Variants in DNAJA4 observed in about 807,000 individuals in gnomAD.
The protein encoded by DNAJA4 is dnaJ homolog subfamily A member 4.
A neutral mutation model predicts 39.7 loss-of-function variants in DNAJA4; 32 were observed. The observed-to-expected ratio is 0.81, with a 90% CI of 0.61 to 1.08. DNAJA4 has a LOEUF of 1.08. DNAJA4 is among the 50% of genes least tolerant of loss of function. DNAJA4 has a pLI of 0.00. For synonymous variants in DNAJA4, 184 were observed against 182.4 expected (o/e 1.01, Z -0.07); for missense variants, 439 against 505.1 (o/e 0.87, Z 1.25).
chr15:78,265,840 T>A, intron 1 of DNAJA4: 1 of 608,744 alleles, frequency 1.6e-6, no homozygotes, highest in Non-Finnish European at 2.9e-6. Flanking sequence ...GGGCCACGTT[T>A]GAAACCACAC....
chr15:78,270,416 C>A, intron 1 of DNAJA4, 81 bp from the exon 2 acceptor site: 2 of 1,454,894 alleles, frequency 1.4e-6, no homozygotes, highest in Non-Finnish European at 1.9e-6. Context: ...ACCTCTATTA[C>A]TTTGTATGTT....
Position 78,275,549 on chromosome 15 carries a change from C to G in DNAJA4, c.698C>G (p.Pro233Arg). Reference sequence around the variant, plus strand: ...TTTCATGGAGAAGGAGATCAGGAGCCTGAGCTGGAGCCTGGTGATGTCATA... The same window carrying G: ...TTTCATGGAGAAGGAGATCAGGAGCGTGAGCTGGAGCCTGGTGATGTCATA... ...ILFHGEGDQE[P>R]ELEPGDVIIV... is the part of the protein sequence containing the mutation. The change falls in exon 5 of 7, where the codon CCT becomes CGT. Residue 233 changes from proline (P) to arginine (R), a missense_variant. Pro to Arg is a moderately radical substitution (Grantham distance 103). Coordinates refer to ENST00000394852, the MANE Select transcript of DNAJA4 (RefSeq NM_001130182.2). 1 of 1,614,132 alleles carries G rather than the reference C, an allele frequency of 6.2e-7. No individual in the cohort carries two copies. Among genetic ancestry groups the G allele is most frequent in the Non-Finnish European group, 8.5e-7 (1 of 1,180,010 alleles).
chr15:78,266,912 C>T (rs1299449968), intron 1 of DNAJA4, among the ~76,000 whole-genome samples: 1 of 151,842 alleles, frequency 6.6e-6, no homozygotes, highest in Non-Finnish European at 1.5e-5. Flanking sequence ...TATAAAGGCA[C>T]AAATTGGAAG....
At chr15:78,274,854 T>G (rs1007656631) in intron 4 of DNAJA4, 1 of 215,778 alleles carries the variant, frequency 4.6e-6, no homozygotes, top group Non-Finnish European at 9.3e-6. Flanking sequence ...CATTTCCCCA[T>G]GTGCTGCATC....
Position 78,279,455 on chromosome 15 carries a change from G to A in DNAJA4, c.878-590G>A, listed in dbSNP as rs962102530. 3.2e-5 allele frequency: 5 copies of A among 155,262 alleles called. No homozygotes were observed. The highest frequency in any genetic ancestry group is 1.2e-4 in the African/African-American group (5 of 41,460). 9.6% of individuals were successfully genotyped at this position (155,262 alleles called of 1,614,324 possible). The stretch of plus-strand genomic sequence containing the variant: ...AGTCACGTAGCTGTAAGACCCAGCG[G>A]GTGCCAGCCGGGAGGGTGACTCCAG... On this transcript the variant is annotated intron_variant, in intron 5 of 6. Coordinates refer to ENST00000394852, the MANE Select transcript of DNAJA4 (RefSeq NM_001130182.2). This position sits in a 1 kb window ranked among gnomAD's most constrained non-coding sequence, Gnocchi z 4.5.
At chr15:78,276,085 GA>G (rs1169862461) in intron 5 of DNAJA4, among the ~76,000 whole-genome samples, 1 of 152,178 alleles carries the variant, frequency 6.6e-6, no homozygotes, top group Non-Finnish European at 1.5e-5. Context: ...CAGTTGGGGG[GA>G]AAGTCTCAAA....
chr15:78,279,629 C>CT lies in DNAJA4; in HGVS notation c.878-415dup, dbSNP rs769967711. 4.6e-4 allele frequency: 87 copies of CT among 191,026 alleles called. No individual in the cohort carries two copies. Among genetic ancestry groups the CT allele is most frequent in the Non-Finnish European group, 6.8e-4 (62 of 91,006 alleles). 11.8% of individuals were successfully genotyped at this position (191,026 alleles called of 1,614,324 possible). On this transcript the variant is annotated intron_variant, in intron 5 of 6. Coordinates refer to ENST00000394852, the MANE Select transcript of DNAJA4 (RefSeq NM_001130182.2). This position sits in a 1 kb window ranked among gnomAD's most constrained non-coding sequence, Gnocchi z 4.5. ...TGCCAGGCAGGGGACTGGTTGGACT[C>CT]TATTGAGGCTTCTTCCTGTCTGTGG...
Position 78,273,098 on chromosome 15 carries a change from A to G in DNAJA4, c.317A>G (p.Lys106Arg). ...GGRMARERRG[K>R]NVVHQLSVTL... Reference sequence around the variant, plus strand: ...ATTTTTTTTCTCCCTTGCTAAGGCAAGAATGTTGTACACCAGTTATCTGTA... The same window carrying G: ...ATTTTTTTTCTCCCTTGCTAAGGCAGGAATGTTGTACACCAGTTATCTGTA... The change falls in exon 3 of 7, where the codon AAG (lysine) becomes AGG (arginine). Residue 106 changes from lysine to arginine, a missense_variant. Coordinates refer to ENST00000394852, the MANE Select transcript of DNAJA4 (RefSeq NM_001130182.2). 1 of 1,580,914 alleles carries G rather than the reference A, an allele frequency of 6.3e-7. No homozygotes were observed. Among genetic ancestry groups the G allele is most frequent in the South Asian group, 1.1e-5 (1 of 88,654 alleles).
Position 78,282,097 on chromosome 15 carries a change from T to C in DNAJA4, c.*1637T>C, listed in dbSNP as rs1358982438. The C allele has an allele frequency of 1.3e-5, 2 of 152,218 alleles. No individual in the cohort carries two copies. The highest frequency in any genetic ancestry group is 2.9e-5 in the Non-Finnish European group (2 of 68,030). 9.4% of individuals were successfully genotyped at this position (152,218 alleles called of 1,614,324 possible). A position where few individuals can be genotyped will look rare whatever the true frequency, so the allele number is the denominator to read the frequency against. Reference sequence around the variant, plus strand: ...TGGTGTAAAATTACATTCAGCTCCTTCTTGTCATATAAAAGGAATTTGGAG... The same window carrying C: ...TGGTGTAAAATTACATTCAGCTCCTCCTTGTCATATAAAAGGAATTTGGAG... On this transcript the variant is annotated 3_prime_UTR_variant, in exon 7 of 7. Coordinates refer to ENST00000394852, the MANE Select transcript of DNAJA4 (RefSeq NM_001130182.2).
upstream of DNAJA4, chr15:78,264,350 G>T: frequency 6.9e-7 from 1 of 1,448,902 alleles, no homozygotes; most frequent in Non-Finnish European, 9.0e-7. Flanking sequence ...GAGCTCCGGG[G>T]AATCAGACGG....
rs542474752 is a variant in DNAJA4 at position 78,274,408 on chromosome 15, G to A, written c.630G>A (p.Glu210=). 8 of 1,614,068 alleles carry A rather than the reference G, an allele frequency of 5.0e-6. No individual in the cohort carries two copies. Among genetic ancestry groups the A allele is most frequent in the African/African-American group, 1.3e-5 (1 of 75,030 alleles). ...AKVIREKKII[E]VHVEKGMKDG... ...TGATCCGTGAGAAGAAGATTATCGA[G>A]GTACATGTTGAAAAAGGTGAGGCTG... Residue 210 remains glutamate, a synonymous_variant, in exon 4 of 7, where the codon GAG becomes GAA. Coordinates refer to ENST00000394852, the MANE Select transcript of DNAJA4 (RefSeq NM_001130182.2).
Position 78,264,809 on chromosome 15 carries a change from A to G in DNAJA4, c.46A>G (p.Ser16Gly), listed in dbSNP as rs2049073074. ...QYYDILGVKPSASPEEIKKAY... is the reference protein window; with the variant it reads ...QYYDILGVKPGASPEEIKKAY... Reference sequence around the variant, plus strand: ...CTATGACATCCTGGGCGTGAAGCCCAGCGCGTCCCCGGAGGAGATCAAGAA... The same window carrying G: ...CTATGACATCCTGGGCGTGAAGCCCGGCGCGTCCCCGGAGGAGATCAAGAA... The change falls in exon 1 of 7, where the codon AGC (serine) becomes GGC (glycine). Residue 16 changes from serine (S) to glycine (G), a missense_variant. Ser to Gly is a moderately conservative substitution (Grantham distance 56, BLOSUM62 0). Coordinates refer to ENST00000394852, the MANE Select transcript of DNAJA4 (RefSeq NM_001130182.2). 1 of 1,610,408 alleles carries G rather than the reference A, an allele frequency of 6.2e-7. No homozygotes were observed.
intron 2 of DNAJA4, among the ~76,000 whole-genome samples, chr15:78,271,988 T>C (rs1484829815): frequency 6.6e-6 from 1 of 152,190 alleles, no homozygotes; most frequent in Non-Finnish European, 1.5e-5. Flanking sequence ...CATAGAGTGC[T>C]GAAAATCACA....
intron 1 of DNAJA4, chr15:78,265,713 G>C: frequency 1.4e-6 from 1 of 697,120 alleles, no homozygotes; most frequent in South Asian, 1.5e-5. Context: ...TGCAAGGAAA[G>C]GCTGCTAACC....
At position 78,264,714 on chromosome 15, in the gene DNAJA4, G is replaced by T. The variant is rs770026484; in HGVS notation, c.-50G>T. ...GGCGCGGGCCAGGGTGCCGGCAGGG[G>T]CGTCCGGGGCGCTCTGACCGGCCTC... On this transcript the variant is annotated 5_prime_UTR_variant, in exon 1 of 7. Coordinates refer to ENST00000394852, the MANE Select transcript of DNAJA4 (RefSeq NM_001130182.2). 49 of 1,386,394 alleles carry T rather than the reference G, an allele frequency of 3.5e-5. No individual in the cohort carries two copies. Among genetic ancestry groups the T allele is most frequent in the Non-Finnish European group, 4.2e-5 (44 of 1,053,104 alleles). The allele number at this position is 1,386,394 out of a possible 1,614,324, so 85.9% of individuals were successfully genotyped here.
chr15:78,280,364 G>GT lies in DNAJA4; in HGVS notation c.1102dup (p.Cys368LeufsTer4). ...ACATGGATCAGGTGGAGCTGAAGGA[G>GT]TTTTGTCCCAATGAGCAGAACTGGC... On this transcript the variant is annotated frameshift_variant, in exon 7 of 7. Coordinates refer to ENST00000394852, the MANE Select transcript of DNAJA4 (RefSeq NM_001130182.2). LOFTEE classifies it high-confidence loss of function. 1 of 1,614,250 alleles carries GT rather than the reference G, an allele frequency of 6.2e-7. No homozygotes were observed. Among genetic ancestry groups the GT allele is most frequent in the Non-Finnish European group, 8.5e-7 (1 of 1,180,044 alleles).
upstream of DNAJA4, chr15:78,264,410 C>T (rs1212738033): frequency 6.6e-6 from 9 of 1,371,626 alleles, no homozygotes; most frequent in Non-Finnish European, 7.5e-6. Flanking sequence ...GGCTGGGCCG[C>T]GCCGGACGGG....
At position 78,280,597 on chromosome 15, in the gene DNAJA4, G is replaced by A; in HGVS notation, c.*137G>A. 1.4e-6 allele frequency: 1 copy of A among 713,114 alleles called. No homozygotes were observed. Among genetic ancestry groups the A allele is most frequent in the South Asian group, 2.2e-5 (1 of 45,634 alleles). 44.2% of individuals were successfully genotyped at this position (713,114 alleles called of 1,614,324 possible). On this transcript the variant is annotated 3_prime_UTR_variant, in exon 7 of 7. Transcript: ENST00000394852. ...TGTTCAGCATTCTTAATTGCTGAGT[G>A]TCTTTTTGGCTTTTCTTTTGGTTGT... is the stretch of plus-strand genomic sequence containing the variant.
intron 2 of DNAJA4, among the ~76,000 whole-genome samples, chr15:78,271,781 C>A (rs541141448): frequency 6.6e-6 from 1 of 152,318 alleles, no homozygotes; most frequent in East Asian, 1.9e-4. Flanking sequence ...TGTTGTCAGG[C>A]TGCTTTGGAT....
Sources: gnomAD v4.1 joint callset for allele counts (sites outside exome capture counted in the v4.1 genomes callset) on GRCh38, gnomAD v4.1.1 for gene constraint, Gnocchi (gnomAD v3.1) non-coding constraint, MANE v1.5 for transcripts, NCBI Gene and HGNC (gene_info 2026-07-23, HGNC 2026-07-21) for gene names.